AADACL2: variants seen among roughly 807,000 people sequenced by gnomAD.
AADACL2 encodes the protein arylacetamide deacetylase-like 2.
AADACL2 carries 23 observed loss-of-function variants against 22.3 expected under a neutral mutation model. The observed-to-expected ratio is 1.03, with a 90% CI of 0.74 to 1.46. The LOEUF (loss-of-function observed/expected upper bound fraction) is 1.46, where lower values mean the gene tolerates loss of function less well. Among genes scored for constraint, AADACL2 ranks in the 40% most tolerant of loss-of-function variants. The pLI is 0.00. For missense variants in AADACL2, 472 were observed against 482.9 expected (o/e 0.98, Z 0.21); for synonymous variants, 177 against 166.2 (o/e 1.07, Z -0.50).
chr3:151,746,036 G>A (rs1270228242), intron 4 of AADACL2, among the ~76,000 whole-genome samples: 1 of 151,858 alleles, frequency 6.6e-6, no homozygotes, highest in Admixed American at 6.6e-5. Flanking sequence ...ATAACTTTGG[G>A]GAGGATTGAC....
chr3:151,736,197 C>T (rs531529028), intron 1 of AADACL2, among the ~76,000 whole-genome samples: 92 of 151,560 alleles, frequency 6.1e-4, no homozygotes, highest in Non-Finnish European at 9.7e-4. Flanking sequence ...ATAATTACAG[C>T]GGCATAAAAA....
Position 151,733,949 on chromosome 3 carries a change from A to G in AADACL2, c.-87A>G. 2.2e-6 allele frequency: 3 copies of G among 1,370,138 alleles called. No individual in the cohort carries two copies. The highest frequency in any genetic ancestry group is 1.5e-5 in the South Asian group (1 of 64,564). 84.9% of individuals were successfully genotyped at this position (1,370,138 alleles called of 1,614,324 possible). On this transcript the variant is annotated 5_prime_UTR_variant, in exon 1 of 5. Transcript: ENST00000356517. Reference sequence around the variant, plus strand: ...ATCATATCACCTGAGAGAGTTCCCAAGTCTACAATTGCTCTACTAGTTACT... The same window carrying G: ...ATCATATCACCTGAGAGAGTTCCCAGGTCTACAATTGCTCTACTAGTTACT...
chr3:151,740,860 G>C lies in AADACL2; in HGVS notation c.353G>C (p.Gly118Ala), dbSNP rs754347488. Reference sequence around the variant, plus strand: ...TTTCATGGTGGTGGTTTTTGTTTTGGAAGTTCCAGTAAGTTCATTGTATAA... The same window carrying C: ...TTTCATGGTGGTGGTTTTTGTTTTGCAAGTTCCAGTAAGTTCATTGTATAA... ...IYFHGGGFCF[G>A]SSKQRAFDFL... The change falls in exon 2 of 5, where the codon GGA (glycine) becomes GCA (alanine). Residue 118 changes from glycine to alanine, a missense_variant. Transcript: ENST00000356517. The C allele has an allele frequency of 6.2e-7, 1 of 1,613,740 alleles. No individual in the cohort carries two copies. Among genetic ancestry groups the C allele is most frequent in the African/African-American group, 1.3e-5 (1 of 74,898 alleles).
chr3:151,749,721 T>C (rs191129892), intron 4 of AADACL2, among the ~76,000 whole-genome samples: 1 of 152,166 alleles, frequency 6.6e-6, no homozygotes, highest in Admixed American at 6.5e-5. Context: ...GACCTTGTGA[T>C]CTGCCAGCCT....
At position 151,757,405 on chromosome 3, in the gene AADACL2, A is replaced by T; in HGVS notation, c.1017A>T (p.Gln339His). ...NLPLTYILTC[Q>H]HDLLRDDGLM... ...CACTAACCTATATTCTTACTTGTCA[A>T]CATGATCTCTTAAGAGATGATGGAC... is the stretch of plus-strand genomic sequence containing the variant. Residue 339 changes from glutamine (Q) to histidine (H), a missense_variant, in exon 5 of 5, where the codon CAA (glutamine) becomes CAT (histidine). Around this residue, in one of 3 missense-constraint regions of AADACL2, gnomAD observed 113 missense variants for 100.9 expected, o/e 1.12. Transcript: ENST00000356517. 1.2e-6 allele frequency: 2 copies of T among 1,613,792 alleles called. No homozygotes were observed. The highest frequency in any genetic ancestry group is 1.7e-6 in the Non-Finnish European group (2 of 1,179,718).
intron 1 of AADACL2, among the ~76,000 whole-genome samples, chr3:151,738,469 T>C (rs959942575): frequency 1.3e-5 from 2 of 152,184 alleles, no homozygotes; most frequent in African/African-American, 4.8e-5. Flanking sequence ...TGATTATGTG[T>C]CATGGGGTTG....
chr3:151,756,908 C>A, intron 4 of AADACL2, 84 bp from the exon 5 acceptor site: 1 of 1,301,654 alleles, frequency 7.7e-7, no homozygotes, highest in Non-Finnish European at 1.0e-6. Flanking sequence ...ATTTGTTTAT[C>A]TTATGACTGC....
chr3:151,740,551 T>A, intron 1 of AADACL2, 95 bp from the exon 2 acceptor site: 4 of 794,846 alleles, frequency 5.0e-6, no homozygotes, highest in Non-Finnish European at 5.7e-6. Flanking sequence ...TTGTTTACCT[T>A]GCTTATTTTT....
chr3:151,745,657 T>G lies in AADACL2; in HGVS notation c.580T>G (p.Leu194Val). The change falls in exon 4 of 5, where the codon TTA becomes GTA. Residue 194 changes from leucine (L) to valine (V), a missense_variant. Around this residue, in one of 3 missense-constraint regions of AADACL2, gnomAD observed 356 missense variants for 365.5 expected, o/e 0.97. Coordinates refer to ENST00000356517, the MANE Select transcript of AADACL2 (RefSeq NM_207365.4). Reference sequence around the variant, plus strand: ...TGCGGGAGACAGTTCTGGGGGCAATTTAGCAACAGCGGTCACTCAACAGGT... The same window carrying G: ...TGCGGGAGACAGTTCTGGGGGCAATGTAGCAACAGCGGTCACTCAACAGGT... ...CIAGDSSGGN[L>V]ATAVTQQVQN... 1 of 1,610,928 alleles carries G rather than the reference T, an allele frequency of 6.2e-7. No homozygotes were observed. The highest frequency in any genetic ancestry group is 8.5e-7 in the Non-Finnish European group (1 of 1,178,956).
chr3:151,749,957 C>G (rs545395670), intron 4 of AADACL2, among the ~76,000 whole-genome samples: 1 of 152,106 alleles, frequency 6.6e-6, no homozygotes, highest in Non-Finnish European at 1.5e-5. Flanking sequence ...CTTTTTATCA[C>G]TGAGTATGAT....
chr3:151,744,497 A>G (rs1370833127), intron 3 of AADACL2, among the ~76,000 whole-genome samples: 1 of 152,112 alleles, frequency 6.6e-6, no homozygotes, highest in African/African-American at 2.4e-5. Flanking sequence ...GGGATACTGG[A>G]TTGTATTTGA....
At chr3:151,747,593 C>T (rs1713495062) in intron 4 of AADACL2, among the ~76,000 whole-genome samples, 1 of 151,328 alleles carries the variant, frequency 6.6e-6, no homozygotes, top group Non-Finnish European at 1.5e-5. Flanking sequence ...TTTCTGGAGG[C>T]TGAATAATAT....
At position 151,757,603 on chromosome 3, in the gene AADACL2, T is replaced by C. The variant is rs1250714339; in HGVS notation, c.*9T>C. On this transcript the variant is annotated 3_prime_UTR_variant, in exon 5 of 5. Coordinates refer to ENST00000356517, the MANE Select transcript of AADACL2 (RefSeq NM_207365.4). Reference sequence around the variant, plus strand: ...TGGATAAGAATTTATAAATATGTGATGTGTATGTATAGCCCTTACATAGTG... The same window carrying C: ...TGGATAAGAATTTATAAATATGTGACGTGTATGTATAGCCCTTACATAGTG... 3 of 1,596,642 alleles carry C rather than the reference T, an allele frequency of 1.9e-6. No individual in the cohort carries two copies. The highest frequency in any genetic ancestry group is 2.2e-5 in the East Asian group (1 of 44,698).
intron 3 of AADACL2, among the ~76,000 whole-genome samples, chr3:151,745,118 G>A (rs1459735719): frequency 6.6e-6 from 1 of 152,000 alleles, no homozygotes. Flanking sequence ...CCTACAATAT[G>A]CTCTCAGATC....
intron 4 of AADACL2, among the ~76,000 whole-genome samples, chr3:151,753,201 G>A (rs1437693968): frequency 1.3e-5 from 2 of 152,120 alleles, no homozygotes. Context: ...GAGGTCACCT[G>A]AAGTCCATCA....
intron 2 of AADACL2, among the ~76,000 whole-genome samples, chr3:151,741,325 G>C (rs1713272657): frequency 6.6e-6 from 1 of 152,010 alleles, no homozygotes; most frequent in South Asian, 2.1e-4. Context: ...GCAGTTGTTA[G>C]TATTGACTCT....
At chr3:151,747,235 T>C (rs1242525405) in intron 4 of AADACL2, among the ~76,000 whole-genome samples, 1 of 152,180 alleles carries the variant, frequency 6.6e-6, no homozygotes, top group African/African-American at 2.4e-5. Context: ...TTACCATTTA[T>C]TTTTTCTCTA....
chr3:151,757,516 C>G lies in AADACL2; in HGVS notation c.1128C>G (p.Phe376Leu), dbSNP rs1489332516. The G allele has an allele frequency of 1.2e-6, 2 of 1,613,494 alleles. No homozygotes were observed. Among genetic ancestry groups the G allele is most frequent in the East Asian group, 4.5e-5 (2 of 44,842 alleles). ...ATGGAATTCATGGAGCTTTATCATT[C>G]ATGACTTCACCATTTTATTTACGTC... is the stretch of plus-strand genomic sequence containing the variant. The part of the protein sequence containing the change: ...IEDGIHGALS[F>L]MTSPFYLRLG... The change falls in exon 5 of 5, where the codon TTC becomes TTG. Residue 376 changes from phenylalanine (F) to leucine (L), a missense_variant. By Grantham distance (22) the Phe-to-Leu change is conservative. This residue lies in a region of AADACL2 where 113 missense variants were observed against 100.9 expected (regional missense o/e 1.12). Transcript: ENST00000356517.
chr3:151,734,013 A>C lies in AADACL2; in HGVS notation c.-23A>C, dbSNP rs1713007549. On this transcript the variant is annotated 5_prime_UTR_variant, in exon 1 of 5. Coordinates refer to ENST00000356517, the MANE Select transcript of AADACL2 (RefSeq NM_207365.4). ...GAAAAATTTTAATCTCAGTACTGTGAAGAAGCTGGAAAAAGGGATATTATG... is the reference window on the plus strand; with the variant it reads ...GAAAAATTTTAATCTCAGTACTGTGCAGAAGCTGGAAAAAGGGATATTATG... 2 of 1,586,650 alleles carry C rather than the reference A, an allele frequency of 1.3e-6. No homozygotes were observed. Among genetic ancestry groups the C allele is most frequent in the African/African-American group, 2.7e-5 (2 of 73,944 alleles).
Sources: gnomAD v4.1 joint callset for allele counts (sites outside exome capture counted in the v4.1 genomes callset) on GRCh38, gnomAD v4.1.1 for gene constraint, gnomAD v4.1.1 regional missense constraint, MANE v1.5 for transcripts, NCBI Gene and HGNC (gene_info 2026-07-23, HGNC 2026-07-21) for gene names.